Variants in GLB1L2 observed in about 807,000 individuals in gnomAD.
The protein encoded by GLB1L2 is galactosidase beta 1 like 2, also known as beta-galactosidase-1-like protein 2.
Under a neutral mutation model 84.1 loss-of-function variants are expected in GLB1L2, and 68 were observed. The observed-to-expected ratio is 0.81, with a 90% CI of 0.67 to 0.99. The LOEUF (loss-of-function observed/expected upper bound fraction) is 0.99. Among genes scored for constraint, GLB1L2 ranks in the 50% least tolerant of loss-of-function variants. GLB1L2 has a pLI of 0.00. For synonymous variants in GLB1L2, 290 were observed against 318.0 expected (o/e 0.91, Z 0.94); for missense variants, 762 against 805.6 (o/e 0.95, Z 0.66).
At position 134,368,646 on chromosome 11, in the gene GLB1L2, G is replaced by A; in HGVS notation, c.892G>A (p.Val298Ile). 6.2e-7 allele frequency: 1 copy of A among 1,613,798 alleles called. No homozygotes were observed. The highest frequency in any genetic ancestry group is 8.5e-7 in the Non-Finnish European group (1 of 1,180,038). ...GPHNILDSSE[V>I]LKTVSAIVDA... ...CCCCTTTCTCCCTCCTCCGGCAGAGGTTTTGAAAACCGTGTCTGCCATTGT... is the reference window on the plus strand; with the variant it reads ...CCCCTTTCTCCCTCCTCCGGCAGAGATTTTGAAAACCGTGTCTGCCATTGT... Residue 298 changes from valine to isoleucine, a missense_variant and splice_region_variant, in exon 10 of 19, where the codon GTT becomes ATT. Physicochemically the swap from Val to Ile is conservative, Grantham distance 29. Coordinates refer to ENST00000535456, the MANE Select transcript of GLB1L2 (RefSeq NM_001370461.1).
chr11:134,343,789 G>A (rs1319062872), intron 2 of GLB1L2, among the ~76,000 whole-genome samples: 1 of 152,240 alleles, frequency 6.6e-6, no homozygotes, highest in Non-Finnish European at 1.5e-5. Context: ...GTGTGTCTGG[G>A]TTGGAAGCCA....
Position 134,374,173 on chromosome 11 carries a change from C to T in GLB1L2, c.1624C>T (p.Pro542Ser). 1.2e-6 allele frequency: 2 copies of T among 1,614,030 alleles called. No homozygotes were observed. Among genetic ancestry groups the T allele is most frequent in the Non-Finnish European group, 1.7e-6 (2 of 1,179,858 alleles). ...RFGLDKWSSLPETPTLPAFFL... is the reference protein window; with the variant it reads ...RFGLDKWSSLSETPTLPAFFL... ...CGGCCTGGACAAATGGAGTTCCCTC[C>T]CAGAAACACCCACATTACCTGCTTT... Residue 542 changes from proline to serine, a missense_variant, in exon 17 of 19, where the codon CCA becomes TCA. This residue lies in a region of GLB1L2 where 603 missense variants were observed against 611.7 expected (regional missense o/e 0.99). Transcript: ENST00000535456.
intron 8 of GLB1L2, among the ~76,000 whole-genome samples, chr11:134,366,734 TAA>T (rs1216925807): frequency 1.3e-5 from 2 of 152,120 alleles, no homozygotes; most frequent in Admixed American, 6.6e-5. Flanking sequence ...AGCTGTGCTG[TAA>T]GGCCCTGATT....
intron 1 of GLB1L2, among the ~76,000 whole-genome samples, chr11:134,332,396 C>T (rs1321375675): frequency 6.6e-6 from 1 of 152,034 alleles, no homozygotes; most frequent in East Asian, 1.9e-4. Context: ...TGCCCCGAGC[C>T]GCCCACCCCG....
At chr11:134,354,957 A>G (rs567343159) in intron 5 of GLB1L2, among the ~76,000 whole-genome samples, 9 of 152,200 alleles carry the variant, frequency 5.9e-5, no homozygotes, top group East Asian at 1.9e-4. Flanking sequence ...TTTTTCTTCT[A>G]AGAAACCCAT....
At position 134,332,042 on chromosome 11, in the gene GLB1L2, C is replaced by A; in HGVS notation, c.-20C>A. 3 of 1,529,926 alleles carry A rather than the reference C, an allele frequency of 2.0e-6. No homozygotes were observed. The highest frequency in any genetic ancestry group is 2.6e-6 in the Non-Finnish European group (3 of 1,133,538). 94.8% of individuals were successfully genotyped at this position (1,529,926 alleles called of 1,614,324 possible). ...CGGACTGGAGTGGGAACCCGGGTCC[C>A]CGCGCTTAGAGAACACGCGATGACC... On this transcript the variant is annotated 5_prime_UTR_variant, in exon 1 of 19. Transcript: ENST00000535456.
chr11:134,371,325 C>A, intron 13 of GLB1L2, 96 bp from the exon 14 acceptor site: 2 of 1,177,778 alleles, frequency 1.7e-6, no homozygotes, highest in Non-Finnish European at 2.5e-6. Flanking sequence ...CCCTCGTCTG[C>A]CTACAGGCAC....
chr11:134,371,969 C>A lies in GLB1L2; in HGVS notation c.1507+139C>A, dbSNP rs1260649089. ...GGCTGGGTTGTCCCATACATGAGGCCAGTTCTGAGTGGGCCAGAGAAACTC... is the reference window on the plus strand; with the variant it reads ...GGCTGGGTTGTCCCATACATGAGGCAAGTTCTGAGTGGGCCAGAGAAACTC... On this transcript the variant is annotated intron_variant, in intron 15 of 18. Coordinates refer to ENST00000535456, the MANE Select transcript of GLB1L2 (RefSeq NM_001370461.1). The A allele has an allele frequency of 2.9e-5, 22 of 757,102 alleles. No homozygotes were observed. The Admixed American group carries it at 3.1e-4, about 11-fold the overall frequency. 46.9% of individuals were successfully genotyped at this position (757,102 alleles called of 1,614,324 possible). A position where few individuals can be genotyped will look rare whatever the true frequency, so the allele number is the denominator to read the frequency against.
At chr11:134,352,859 G>A (rs1200116626) in intron 5 of GLB1L2, among the ~76,000 whole-genome samples, 1 of 151,992 alleles carries the variant, frequency 6.6e-6, no homozygotes, top group Non-Finnish European at 1.5e-5. Flanking sequence ...TGTTGGCCGG[G>A]CTGGTCTTGA....
chr11:134,348,125 T>A (rs1943576805), intron 5 of GLB1L2, among the ~76,000 whole-genome samples: 1 of 152,096 alleles, frequency 6.6e-6, no homozygotes, highest in Non-Finnish European at 1.5e-5. Flanking sequence ...CAATAAAAAA[T>A]TAGTTCAAGT....
chr11:134,347,818 G>A lies in GLB1L2; in HGVS notation c.558+385G>A, dbSNP rs985209179. On this transcript the variant is annotated intron_variant, in intron 5 of 18. Coordinates refer to ENST00000535456, the MANE Select transcript of GLB1L2 (RefSeq NM_001370461.1). The stretch of plus-strand genomic sequence containing the variant: ...TCTACCAGTGTCCCAGTAGCACTGC[G>A]GCTCAGTTTTGCACAGGGTGGAGCA... 6.6e-5 allele frequency among the ~76,000 whole-genome samples: 10 copies of A among 152,112 alleles called. No individual in the cohort carries two copies. In the South Asian group the frequency reaches 8.3e-4, roughly 13 times the overall value.
chr11:134,375,087 G>GT lies in GLB1L2; in HGVS notation c.*30dup. ...GTGGCACCCCCTCCTGCTGGTGCCA[G>GT]TGGGAGACTGCCGCCTCCTCTTGAC... On this transcript the variant is annotated 3_prime_UTR_variant, in exon 19 of 19. Transcript: ENST00000535456. 1.3e-6 allele frequency: 2 copies of GT among 1,582,224 alleles called. No homozygotes were observed. Among genetic ancestry groups the GT allele is most frequent in the South Asian group, 1.1e-5 (1 of 88,902 alleles).
chr11:134,333,014 C>G (rs1256241542), intron 1 of GLB1L2, among the ~76,000 whole-genome samples: 1 of 152,212 alleles, frequency 6.6e-6, no homozygotes, highest in Non-Finnish European at 1.5e-5. Context: ...CTACGCCGCT[C>G]GGCTTTGTCA....
intron 15 of GLB1L2, among the ~76,000 whole-genome samples, chr11:134,373,103 G>A (rs553004547): frequency 6.6e-6 from 1 of 152,286 alleles, no homozygotes; most frequent in Non-Finnish European, 1.5e-5. Flanking sequence ...TTCGGAGTCT[G>A]TAGGCCCTGC....
intron 6 of GLB1L2, among the ~76,000 whole-genome samples, chr11:134,357,822 C>T (rs1459593703): frequency 6.6e-6 from 1 of 152,244 alleles, no homozygotes; most frequent in African/African-American, 2.4e-5. Context: ...TGCCTGCTCC[C>T]AGCCTAGCTC....
rs1205979512 is a variant in GLB1L2, at chr11:134,332,599, AGCCTGGCAGGTATGGTCTAGCCAGCTG to A, written c.86+463_86+489del. Among the ~76,000 whole-genome samples, 6 of 152,102 alleles carry A rather than the reference AGCCTGGCAGGTATGGTCTAGCCAGCTG, an allele frequency of 3.9e-5. No homozygotes were observed. In the South Asian group the frequency reaches 1.0e-3, roughly 26 times the overall value. On this transcript the variant is annotated intron_variant, in intron 1 of 18. Coordinates refer to ENST00000535456, the MANE Select transcript of GLB1L2 (RefSeq NM_001370461.1). ...CTTATTCCGCAGAGGCCGGCGCTTC[AGCCTGGCAGGTATGGTCTAGCCAGCTG>A]GCCTGGCAGGGTCGTAAGAACAGTG...
Position 134,364,340 on chromosome 11 carries a change from T to C in GLB1L2, c.746T>C (p.Ile249Thr). Residue 249 changes from isoleucine to threonine, a missense_variant, in exon 8 of 19, where the codon ATC becomes ACC. Physicochemically the swap from Ile to Thr is moderately conservative, Grantham distance 89. Coordinates refer to ENST00000535456, the MANE Select transcript of GLB1L2 (RefSeq NM_001370461.1). ...KGIVQGVLAT[I>T]NLQSTHELQL... ...TTCCCTTTAACAGTCTTGGCCACCA[T>C]CAACTTGCAGTCAACACACGAGCTG... is the stretch of plus-strand genomic sequence containing the variant. The C allele has an allele frequency of 1.2e-6, 2 of 1,613,604 alleles. No individual in the cohort carries two copies. Among genetic ancestry groups the C allele is most frequent in the South Asian group, 1.1e-5 (1 of 91,058 alleles).
intron 6 of GLB1L2, among the ~76,000 whole-genome samples, chr11:134,357,279 C>A (rs1376116380): frequency 6.6e-6 from 1 of 152,198 alleles, no homozygotes; most frequent in African/African-American, 2.4e-5. Context: ...TAATTCAGTC[C>A]CTCCACGTGG....
rs1439358232 is a variant in GLB1L2 at position 134,338,537 on chromosome 11, C to T, written c.87-4217C>T. On this transcript the variant is annotated intron_variant, in intron 1 of 18. Coordinates refer to ENST00000535456, the MANE Select transcript of GLB1L2 (RefSeq NM_001370461.1). This position sits in a 1 kb window ranked among gnomAD's most constrained non-coding sequence, Gnocchi z 6.2. ...TTTTTACTACACCTGGAATCTCCTG[C>T]CTGCTGGGGCCTGCCCTGTACCCTT... Among the ~76,000 whole-genome samples the T allele has an allele frequency of 6.6e-6, 1 of 152,180 alleles. No individual in the cohort carries two copies. The highest frequency in any genetic ancestry group is 6.5e-5 in the Admixed American group (1 of 15,284).
Sources: allele counts gnomAD v4.1 joint callset (sites outside exome capture counted in the v4.1 genomes callset), GRCh38; gene constraint gnomAD v4.1.1; regional missense constraint gnomAD v4.1.1; non-coding constraint Gnocchi (gnomAD v3.1); transcripts MANE v1.5; gene names NCBI Gene and HGNC (gene_info 2026-07-23, HGNC 2026-07-21).